INSYN1: variants seen among roughly 807,000 people sequenced by gnomAD.
INSYN1 encodes the protein inhibitory synaptic factor 1.
Under a neutral mutation model 17.1 loss-of-function variants are expected in INSYN1, and 7 were observed. That is an observed-to-expected ratio of 0.41 (90% CI 0.23 to 0.77). The LOEUF (loss-of-function observed/expected upper bound fraction) is 0.77. Among genes scored for constraint, INSYN1 ranks in the 30% least tolerant of loss-of-function variants. INSYN1 has a pLI of 0.32. For synonymous variants in INSYN1, 174 were observed against 166.3 expected, an observed-to-expected ratio of 1.05 and a Z score of -0.36; for missense variants, 339 against 400.6, an observed-to-expected ratio of 0.85 and a Z score of 1.31.
chr15:73,750,895 G>T (rs1174356697), intron 2 of INSYN1, 80 bp downstream of exon 2: 1 of 1,493,916 alleles, frequency 6.7e-7, no homozygotes, highest in Non-Finnish European at 9.3e-7. Context: ...ACACTCCAAC[G>T]TATTTATGAG....
intron 2 of INSYN1, 76 bp downstream of exon 2, chr15:73,750,899 T>C: frequency 2.0e-6 from 3 of 1,528,594 alleles, no homozygotes; most frequent in Non-Finnish European, 2.7e-6. Context: ...TCCAACGTAT[T>C]TATGAGTACG....
In INSYN1 at chr15:73,752,916, A is replaced by G. The variant is rs1415339906; in HGVS notation, c.-1374T>C. 2.9e-5 allele frequency among the ~76,000 whole-genome samples: 4 copies of G among 139,718 alleles called. No homozygotes were observed. The highest frequency in any genetic ancestry group is 1.1e-4 in the African/African-American group (4 of 37,572). 91.7% of individuals were successfully genotyped at this position (139,718 alleles called of 152,430 possible). The stretch of plus-strand genomic sequence containing the variant: ...AGGCGGGAGCAGCGCCGGGCGGAGG[A>G]GAGGAGAGGAGGCGAGAAGAGGCGA... On this transcript the variant is annotated 5_prime_UTR_variant, in exon 1 of 3. Coordinates refer to ENST00000569673, the MANE Select transcript of INSYN1 (RefSeq NM_001039614.3). The surrounding 1 kb of genome is among the most constrained non-coding windows in gnomAD (Gnocchi z 5.2).
At chr15:73,749,099 G>T (rs368336213) in intron 2 of INSYN1, among the ~76,000 whole-genome samples, 1 of 152,128 alleles carries the variant, frequency 6.6e-6, no homozygotes, top group African/African-American at 2.4e-5. Flanking sequence ...GGGAAGGAGA[G>T]GGCATCTAAA....
chr15:73,743,828 C>A (rs75036464), intron 2 of INSYN1, among the ~76,000 whole-genome samples: 3 of 21,288 alleles, frequency 1.4e-4, no homozygotes, highest in East Asian at 1.5e-3. Flanking sequence ...GACTCTGTCT[C>A]AAAAAAAAAA....
intron 2 of INSYN1, among the ~76,000 whole-genome samples, chr15:73,748,372 A>G (rs1901892694): frequency 1.3e-5 from 2 of 152,086 alleles, no homozygotes; most frequent in Admixed American, 6.5e-5. Context: ...TTCTTTCACC[A>G]AGCATATGTG....
chr15:73,748,104 T>A (rs1057399610), intron 2 of INSYN1, among the ~76,000 whole-genome samples: 1 of 152,132 alleles, frequency 6.6e-6, no homozygotes, highest in African/African-American at 2.4e-5. Context: ...AAGCCCCTAA[T>A]AAATCCTTAT....
chr15:73,742,667 T>A (rs1901719215), intron 2 of INSYN1, among the ~76,000 whole-genome samples: 1 of 152,166 alleles, frequency 6.6e-6, no homozygotes, highest in African/African-American at 2.4e-5. Context: ...GATAGGGCCC[T>A]ACCCTCCAAT....
intron 2 of INSYN1, among the ~76,000 whole-genome samples, chr15:73,748,214 T>G (rs1372540138): frequency 6.6e-6 from 1 of 152,166 alleles, no homozygotes; most frequent in African/African-American, 2.4e-5. Context: ...TGGCTCATCT[T>G]TCAGTGAATT....
chr15:73,744,603 A>G (rs749366809), intron 2 of INSYN1, among the ~76,000 whole-genome samples: 2 of 152,192 alleles, frequency 1.3e-5, no homozygotes, highest in Non-Finnish European at 2.9e-5. Context: ...AGCAGACCCC[A>G]GTCTTGTCTT....
rs760578731 is a variant in INSYN1, at chr15:73,740,439, G to A, written c.360C>T (p.Thr120=). ...WEFCSFLDVS[T]PSDSVDGPES... ...CGGGACCATCCACGGAGTCCGAGGG[G>A]GTAGAGACGTCCAGGAAGGAGCAGA... Residue 120 remains threonine, a synonymous_variant, in exon 3 of 3, where the codon ACC becomes ACT. Transcript: ENST00000569673. 3 of 1,613,798 alleles carry A rather than the reference G, an allele frequency of 1.9e-6. No homozygotes were observed. In the South Asian group the frequency reaches 3.3e-5, roughly 18 times the overall value.
At chr15:73,746,387 G>A (rs1024461619) in intron 2 of INSYN1, among the ~76,000 whole-genome samples, 23 of 152,304 alleles carry the variant, frequency 1.5e-4, no homozygotes, top group Admixed American at 1.3e-3. Context: ...CTGAGCTGCA[G>A]GTGATGGAGC....
chr15:73,745,914 T>TCTCTCCAGCCCTGGCTGAGCCCC (rs1901814863), intron 2 of INSYN1, among the ~76,000 whole-genome samples: 1 of 152,122 alleles, frequency 6.6e-6, no homozygotes, highest in African/African-American at 2.4e-5. Context: ...ACGCCAACCC[T>TCTCTCCAGCCCTGGCTGAGCCCC]CTCTCCAGCC....
Position 73,746,028 on chromosome 15 carries a change from AC to A in INSYN1, c.156+4946del, listed in dbSNP as rs796500058. 1.9e-3 allele frequency among the ~76,000 whole-genome samples: 223 copies of A among 115,742 alleles called. 2 individuals carry two copies. Among genetic ancestry groups the A allele is most frequent in the African/African-American group, 7.1e-3 (214 of 29,932 alleles). 75.9% of individuals were successfully genotyped at this position (115,742 alleles called of 152,430 possible). ...CAGAACCAGCATCCTGTACCCCCGG[AC>A]CCCCCACCACACCCCCCACCCTGCC... On this transcript the variant is annotated intron_variant, in intron 2 of 2. Transcript: ENST00000569673.
intron 2 of INSYN1, among the ~76,000 whole-genome samples, chr15:73,748,184 G>A (rs1385925461): frequency 2.6e-5 from 4 of 152,186 alleles, no homozygotes; most frequent in African/African-American, 9.7e-5. Context: ...TGAGGGACCT[G>A]GGGAGGAAGT....
chr15:73,736,788 C>CAGG lies in INSYN1; in HGVS notation c.*3126_*3128dup, dbSNP rs1280692374. ...GCGGGTGCCTGTAGTCCAAGCTACT[C>CAGG]AGGTGGCTGAGACAGGAGAATTGTT... is the stretch of plus-strand genomic sequence containing the variant. On this transcript the variant is annotated 3_prime_UTR_variant, in exon 3 of 3. Transcript: ENST00000569673. The CAGG allele has an allele frequency of 6.6e-6, 1 of 151,952 alleles. No homozygotes were observed. The highest frequency in any genetic ancestry group is 6.6e-5 in the Admixed American group (1 of 15,238). 9.4% of individuals were successfully genotyped at this position (151,952 alleles called of 1,614,324 possible). A position where few individuals can be genotyped will look rare whatever the true frequency, so the allele number is the denominator to read the frequency against.
chr15:73,740,542 T>C lies in INSYN1; in HGVS notation c.257A>G (p.Lys86Arg), dbSNP rs1901666279. Residue 86 changes from lysine (K) to arginine (R), a missense_variant, in exon 3 of 3, where the codon AAG (lysine) becomes AGG (arginine). By Grantham distance (26) the Lys-to-Arg change is conservative. Coordinates refer to ENST00000569673, the MANE Select transcript of INSYN1 (RefSeq NM_001039614.3). ...GTCAAAGGGGCCACCCATGCCCGCC[T>C]TGTCACTGCTAGAGGTGCTGCTCAC... Reference protein sequence around the residue: ...ATVSSTSSSDKAGMGGPFDLG... With the variant: ...ATVSSTSSSDRAGMGGPFDLG... 1 of 1,614,002 alleles carries C rather than the reference T, an allele frequency of 6.2e-7. No individual in the cohort carries two copies. The highest frequency in any genetic ancestry group is 8.5e-7 in the Non-Finnish European group (1 of 1,180,038).
In INSYN1 at chr15:73,751,169, C is replaced by A. The variant is rs753395048; in HGVS notation, c.-39G>T. On this transcript the variant is annotated 5_prime_UTR_variant, in exon 2 of 3. Coordinates refer to ENST00000569673, the MANE Select transcript of INSYN1 (RefSeq NM_001039614.3). ...GCCGCAGGCCTGCCCATACTCCCCC[C>A]AGCTGGGCACACACTGCGTCTGCCT... The A allele has an allele frequency of 5.6e-6, 9 of 1,609,304 alleles. No homozygotes were observed. The highest frequency in any genetic ancestry group is 6.8e-6 in the Non-Finnish European group (8 of 1,178,516).
intron 2 of INSYN1, among the ~76,000 whole-genome samples, chr15:73,744,763 G>A (rs1901778041): frequency 6.6e-6 from 1 of 152,092 alleles, no homozygotes; most frequent in Non-Finnish European, 1.5e-5. Context: ...AGTGGAGAGA[G>A]AAATTGAACC....
At position 73,739,911 on chromosome 15, in the gene INSYN1, C is replaced by G; in HGVS notation, c.*6G>C. 2 of 1,481,032 alleles carry G rather than the reference C, an allele frequency of 1.4e-6. No homozygotes were observed. Among genetic ancestry groups the G allele is most frequent in the South Asian group, 1.2e-5 (1 of 85,966 alleles). 91.7% of individuals were successfully genotyped at this position (1,481,032 alleles called of 1,614,324 possible). On this transcript the variant is annotated 3_prime_UTR_variant, in exon 3 of 3. Transcript: ENST00000569673. ...TGCCCACCGCCCCCGGCCCCCTCCC[C>G]GGCCCCTAGTTTTTCCCCCTGGCTT...
Sources: gnomAD v4.1 joint callset for allele counts (sites outside exome capture counted in the v4.1 genomes callset) on GRCh38, gnomAD v4.1.1 for gene constraint, Gnocchi (gnomAD v3.1) non-coding constraint, MANE v1.5 for transcripts, NCBI Gene and HGNC (gene_info 2026-07-23, HGNC 2026-07-21) for gene names.